Variants in GRIK4 observed in about 807,000 individuals in gnomAD.
GRIK4 encodes glutamate receptor ionotropic, kainate 4.
A neutral mutation model predicts 104.9 loss-of-function variants in GRIK4; 40 were observed. The ratio of observed to expected loss-of-function variants is 0.38; its 90% confidence interval spans 0.30 to 0.50. The LOEUF (loss-of-function observed/expected upper bound fraction) is 0.50, where lower values mean the gene tolerates loss of function less well. Among genes scored for constraint, GRIK4 ranks in the 20% least tolerant of loss-of-function variants. The probability of loss-of-function intolerance (pLI) is 0.93; values close to 1 mark genes in which losing one functional copy is unlikely to be tolerated. For missense variants in GRIK4, 1,047 were observed against 1,308.1 expected, an observed-to-expected ratio of 0.80 and a Z score of 3.08; for synonymous variants, 485 against 524.9, an observed-to-expected ratio of 0.92 and a Z score of 1.04.
At chr11:120,860,769 C>G (rs1056250414) in intron 8 of GRIK4, among the ~76,000 whole-genome samples, 2 of 152,130 alleles carry the variant, frequency 1.3e-5, no homozygotes, top group African/African-American at 4.8e-5. Context: ...AAGGCACCAC[C>G]CTACCCGCAA....
chr11:120,569,544 T>C (rs1049896766), intron 1 of GRIK4, among the ~76,000 whole-genome samples: 5 of 152,206 alleles, frequency 3.3e-5, no homozygotes, highest in Non-Finnish European at 2.9e-5. Context: ...CCCCCATTTC[T>C]ATATATGGGT....
intron 1 of GRIK4, among the ~76,000 whole-genome samples, chr11:120,608,359 C>T (rs1015647269): frequency 6.6e-5 from 10 of 152,188 alleles, no homozygotes; most frequent in Admixed American, 2.0e-4. Context: ...ATCTGGGAGG[C>T]GGAGTGCAAG....
chr11:120,565,241 C>A (rs770644192), intron 1 of GRIK4, among the ~76,000 whole-genome samples: 48 of 152,218 alleles, frequency 3.2e-4, no homozygotes, highest in Non-Finnish European at 5.3e-4. Flanking sequence ...GGCTGCTGAC[C>A]TCATTAGGCC....
At chr11:120,980,841 G>A (rs1320126353) in intron 19 of GRIK4, among the ~76,000 whole-genome samples, 2 of 152,140 alleles carry the variant, frequency 1.3e-5, no homozygotes, top group African/African-American at 2.4e-5. Context: ...CTACTGCACT[G>A]TGTTATTTTA....
At chr11:120,686,185 A>G (rs527995887) in intron 3 of GRIK4, among the ~76,000 whole-genome samples, 1 of 152,314 alleles carries the variant, frequency 6.6e-6, no homozygotes, top group Non-Finnish European at 1.5e-5. Flanking sequence ...TGATACATCC[A>G]TCAATCTGAA....
At chr11:120,788,276 C>CACAGGCA (rs1952329225) in intron 3 of GRIK4, among the ~76,000 whole-genome samples, 1 of 151,960 alleles carries the variant, frequency 6.6e-6, no homozygotes, top group African/African-American at 2.4e-5. Context: ...GTGTTTTTCT[C>CACAGGCA]TCACACATAA....
chr11:120,807,944 A>G (rs927871820), intron 4 of GRIK4, among the ~76,000 whole-genome samples: 1 of 152,178 alleles, frequency 6.6e-6, no homozygotes, highest in African/African-American at 2.4e-5. Flanking sequence ...TGGCACAGAC[A>G]GGGGAGCAGG....
intron 8 of GRIK4, among the ~76,000 whole-genome samples, chr11:120,847,237 C>T (rs932134730): frequency 4.6e-5 from 7 of 152,174 alleles, no homozygotes; most frequent in Admixed American, 4.6e-4. Flanking sequence ...AGGAGGTCTC[C>T]TCACTCACAC....
At chr11:120,857,502 GCACACA>G (rs60629273) in intron 8 of GRIK4, among the ~76,000 whole-genome samples, 47,621 of 149,964 alleles carry the variant, frequency 0.32, 8,152 homozygotes, top group East Asian at 0.48. Flanking sequence ...ATGCACACAT[GCACACA>G]CACACACACA....
At chr11:120,934,601 C>T (rs76835304) in intron 13 of GRIK4, among the ~76,000 whole-genome samples, 6,092 of 152,230 alleles carry the variant, frequency 0.04, 416 homozygotes, top group African/African-American at 0.14. Flanking sequence ...TTGGAAGTCA[C>T]CTCCAGGCTG....
chr11:120,739,190 A>G (rs1951282610), intron 3 of GRIK4, among the ~76,000 whole-genome samples: 1 of 152,194 alleles, frequency 6.6e-6, no homozygotes, highest in South Asian at 2.1e-4. Flanking sequence ...GTAGGTTGGC[A>G]TGGTGTTAAC....
chr11:120,708,208 A>G (rs7946325), intron 3 of GRIK4, among the ~76,000 whole-genome samples: 37,625 of 152,076 alleles, frequency 0.25, 6,346 homozygotes, highest in African/African-American at 0.48. Context: ...TAGAATGGCA[A>G]TGGGACAAGG....
chr11:120,561,411 C>G (rs1294898575), intron 1 of GRIK4, among the ~76,000 whole-genome samples: 1 of 152,246 alleles, frequency 6.6e-6, no homozygotes, highest in African/African-American at 2.4e-5. Flanking sequence ...TTCCTGCACG[C>G]TCACCAGCAA....
chr11:120,631,848 C>A (rs1205353774), intron 1 of GRIK4, among the ~76,000 whole-genome samples: 1 of 152,174 alleles, frequency 6.6e-6, no homozygotes, highest in Non-Finnish European at 1.5e-5. Context: ...GTAGGAGGCA[C>A]ACAGGTTCCA....
intron 8 of GRIK4, 92 bp from the exon 9 acceptor site, chr11:120,861,867 G>A: frequency 1.0e-6 from 1 of 956,490 alleles, no homozygotes; most frequent in Non-Finnish European, 1.7e-6. Flanking sequence ...CACTGGACTA[G>A]AATGTGGTAC....
chr11:120,927,376 C>T (rs1368160796), intron 13 of GRIK4, among the ~76,000 whole-genome samples: 1 of 89,918 alleles, frequency 1.1e-5, no homozygotes, highest in Non-Finnish European at 2.8e-5. Flanking sequence ...AGACCAGCCT[C>T]GCCAACATGG....
At chr11:120,944,772 ACTGT>A (rs1214832452) in intron 14 of GRIK4, among the ~76,000 whole-genome samples, 2 of 152,342 alleles carry the variant, frequency 1.3e-5, no homozygotes, top group East Asian at 3.9e-4. Flanking sequence ...CTGGACCCAG[ACTGT>A]CTGGGTTTAT....
intron 3 of GRIK4, among the ~76,000 whole-genome samples, chr11:120,710,711 T>G (rs1244893024): frequency 6.6e-6 from 1 of 152,234 alleles, no homozygotes; most frequent in Non-Finnish European, 1.5e-5. Context: ...GCCTGGGGCT[T>G]GACCTTGAGC....
At chr11:120,945,402 T>C (rs1943835137) in intron 14 of GRIK4, among the ~76,000 whole-genome samples, 1 of 152,230 alleles carries the variant, frequency 6.6e-6, no homozygotes, top group Non-Finnish European at 1.5e-5. Flanking sequence ...AAGGGAAAGG[T>C]ACCCTCTTGT....
Sources: gnomAD v4.1 joint callset for allele counts (sites outside exome capture counted in the v4.1 genomes callset) on GRCh38, gnomAD v4.1.1 for gene constraint, MANE v1.5 for transcripts, NCBI Gene and HGNC (gene_info 2026-07-23, HGNC 2026-07-21) for gene names.